RXRA: variants seen among roughly 807,000 people sequenced by gnomAD.
RXRA encodes retinoid X receptor alpha.
Under a neutral mutation model 44.5 loss-of-function variants are expected in RXRA, and 5 were observed. The ratio of observed to expected loss-of-function variants is 0.11; its 90% CI spans 0.06 to 0.24. The LOEUF is 0.24. RXRA is among the 10% of genes least tolerant of loss of function. The pLI is 1.00. For missense variants in RXRA, 412 were observed against 646.5 expected (o/e 0.64, Z 3.93); for synonymous variants, 291 against 271.4 (o/e 1.07, Z -0.71).
chr9:134,427,170 C>CAAA, intron 6 of RXRA: 16 of 814,898 alleles, frequency 2.0e-5, no homozygotes, highest in Non-Finnish European at 2.3e-5. Context: ...TGGGCAAAAA[C>CAAA]AAAAAAAAAA....
chr9:134,350,062 C>CTG (rs141899531), intron 1 of RXRA, among the ~76,000 whole-genome samples: 147 of 149,492 alleles, frequency 9.8e-4, no homozygotes, highest in Middle Eastern at 7.0e-3. Context: ...CGCCAGATGG[C>CTG]TGTGTGTGTG....
At chr9:134,329,002 G>A (rs892030567) in intron 1 of RXRA, among the ~76,000 whole-genome samples, 19 of 152,234 alleles carry the variant, frequency 1.2e-4, no homozygotes, top group African/African-American at 3.4e-4. Context: ...CCTGCTGCCC[G>A]GGGCTGGCCG....
At chr9:134,378,286 G>A (rs1038676411) in intron 1 of RXRA, among the ~76,000 whole-genome samples, 8 of 151,984 alleles carry the variant, frequency 5.3e-5, no homozygotes, top group Non-Finnish European at 1.0e-4. Context: ...CTGGGTCAGC[G>A]CTGGGGAGCC....
At position 134,432,009 on chromosome 9, in the gene RXRA, T is replaced by A; in HGVS notation, c.1135+13T>A. ...CTCTTTAACCCTGGTATGGCCTTCC[T>A]GCCTTGAGGCTTCTGGCCCCGTTCT... On this transcript the variant is annotated intron_variant, in intron 8 of 9. Coordinates refer to ENST00000481739, the MANE Select transcript of RXRA (RefSeq NM_002957.6). The A allele has an allele frequency of 6.2e-7, 1 of 1,606,480 alleles. No homozygotes were observed. The highest frequency in any genetic ancestry group is 8.5e-7 in the Non-Finnish European group (1 of 1,173,592).
chr9:134,428,862 G>A (rs187119040), intron 6 of RXRA, among the ~76,000 whole-genome samples: 40 of 152,344 alleles, frequency 2.6e-4, no homozygotes, highest in African/African-American at 9.4e-4. Flanking sequence ...GTGAGCTCCC[G>A]GGTTCCACAA....
At chr9:134,388,485 A>G (rs1457923997) in intron 1 of RXRA, among the ~76,000 whole-genome samples, 1 of 152,014 alleles carries the variant, frequency 6.6e-6, no homozygotes, top group Non-Finnish European at 1.5e-5. Flanking sequence ...CTGGACTTTG[A>G]TTTGTGCACC....
chr9:134,331,882 A>G (rs1554746695), intron 1 of RXRA, among the ~76,000 whole-genome samples: 1 of 152,134 alleles, frequency 6.6e-6, no homozygotes, highest in Non-Finnish European at 1.5e-5. Flanking sequence ...GCCTCTCAGC[A>G]TCCTCAGAGG....
At chr9:134,430,924 G>A (rs769578172) in intron 7 of RXRA, among the ~76,000 whole-genome samples, 11 of 152,204 alleles carry the variant, frequency 7.2e-5, no homozygotes, top group Non-Finnish European at 1.5e-4. Context: ...CATGCCCGCT[G>A]CCCCATCCCT....
At chr9:134,408,322 G>A (rs751064238) in intron 3 of RXRA, 23 bp downstream of exon 3, 2 of 1,584,484 alleles carry the variant, frequency 1.3e-6, no homozygotes, top group Admixed American at 3.6e-5. Flanking sequence ...TGGGGGCCAG[G>A]GGCTGGTGGG....
chr9:134,386,173 G>C (rs1395536431), intron 1 of RXRA, among the ~76,000 whole-genome samples: 2 of 152,236 alleles, frequency 1.3e-5, no homozygotes, highest in Non-Finnish European at 2.9e-5. Flanking sequence ...AGAGACTCCA[G>C]CTCTGCTCAG....
rs554863262 is a variant in RXRA at position 134,351,582 on chromosome 9, C to T, written c.28+24923C>T. On this transcript the variant is annotated intron_variant, in intron 1 of 9. Transcript: ENST00000481739. ...CAGCAGATTAAAAATTGAAGCTGAACCTCCCTGCTCCCCCGGGAGGGTGGA... is the reference window on the plus strand; with the variant it reads ...CAGCAGATTAAAAATTGAAGCTGAATCTCCCTGCTCCCCCGGGAGGGTGGA... Among the ~76,000 whole-genome samples the T allele has an allele frequency of 2.0e-4, 31 of 152,384 alleles. No individual in the cohort carries two copies. The Middle Eastern group carries it at 0.01, about 50-fold the overall frequency.
At chr9:134,409,288 G>A (rs1332449926) in intron 4 of RXRA, among the ~76,000 whole-genome samples, 169 bp downstream of exon 4, 1 of 152,174 alleles carries the variant, frequency 6.6e-6, no homozygotes, top group Non-Finnish European at 1.5e-5. Flanking sequence ...GCACACGTGC[G>A]GCCCAGAGCG....
chr9:134,403,348 A>C (rs1459874590), intron 2 of RXRA: 3 of 152,312 alleles, frequency 2.0e-5, no homozygotes, highest in Non-Finnish European at 4.4e-5. Flanking sequence ...TTCCGAAAGC[A>C]GGCAGCAGGC....
chr9:134,337,330 G>A (rs1830022771), intron 1 of RXRA, among the ~76,000 whole-genome samples: 1 of 152,124 alleles, frequency 6.6e-6, no homozygotes, highest in East Asian at 1.9e-4. Context: ...CTGTCCGTCC[G>A]TCCATCCACA....
At chr9:134,427,172 A>G (rs1279942029) in intron 6 of RXRA, 2 of 699,356 alleles carry the variant, frequency 2.9e-6, no homozygotes, top group East Asian at 1.4e-4. Context: ...GGCAAAAACA[A>G]AAAAAAAAAA....
intron 1 of RXRA, among the ~76,000 whole-genome samples, chr9:134,398,794 C>T (rs1361696639): frequency 1.3e-5 from 2 of 152,252 alleles, no homozygotes; most frequent in Admixed American, 1.3e-4. Context: ...GAAAGGTGGG[C>T]GGCCTTCCCA....
chr9:134,408,436 C>A, intron 3 of RXRA, 137 bp downstream of exon 3: 1 of 875,268 alleles, frequency 1.1e-6, no homozygotes, highest in Non-Finnish European at 1.7e-6. Flanking sequence ...GGTGCCTGGG[C>A]CATGCCCCAC....
rs533427376 is a variant in RXRA, at chr9:134,365,121, A to G, written c.29-36511A>G. Reference sequence around the variant, plus strand: ...TGGCAGGAGGGGGCGGGGTGAGCCAATGGCTCCGGGGCCACCACAGAGGCG... The same window carrying G: ...TGGCAGGAGGGGGCGGGGTGAGCCAGTGGCTCCGGGGCCACCACAGAGGCG... On this transcript the variant is annotated intron_variant, in intron 1 of 9. Transcript: ENST00000481739. This position sits in a 1 kb window ranked among gnomAD's most constrained non-coding sequence, Gnocchi z 4.0. Among the ~76,000 whole-genome samples, 3 of 152,252 alleles carry G rather than the reference A, an allele frequency of 2.0e-5. No individual in the cohort carries two copies. The highest frequency in any genetic ancestry group is 4.4e-5 in the Non-Finnish European group (3 of 67,992).
Position 134,422,822 on chromosome 9 carries a change from G to A in RXRA, c.910+1017G>A, listed in dbSNP as rs895057946. ...GCCTTCAGAGAGGTAATGGGCTGTC[G>A]GTGGAGGTTTGGGGGCTCTGGAGAG... is the stretch of plus-strand genomic sequence containing the variant. On this transcript the variant is annotated intron_variant, in intron 6 of 9. Coordinates refer to ENST00000481739, the MANE Select transcript of RXRA (RefSeq NM_002957.6). The A allele has an allele frequency of 6.0e-5, 59 of 985,352 alleles. No individual in the cohort carries two copies. In the Middle Eastern group the frequency reaches 1.5e-3, roughly 26 times the overall value. 61.0% of individuals were successfully genotyped at this position (985,352 alleles called of 1,614,324 possible).
Sources: allele counts gnomAD v4.1 joint callset (sites outside exome capture counted in the v4.1 genomes callset), GRCh38; gene constraint gnomAD v4.1.1; non-coding constraint Gnocchi (gnomAD v3.1); transcripts MANE v1.5; gene names NCBI Gene and HGNC (gene_info 2026-07-23, HGNC 2026-07-21).